Variants in MACROH2A1 observed in about 807,000 individuals in gnomAD.
The protein encoded by MACROH2A1 is macroH2A.1 histone, also known as core histone macro-H2A.1.
MACROH2A1 carries 2 observed loss-of-function variants against 31.6 expected under a neutral mutation model. That is an observed-to-expected ratio of 0.06 (90% CI 0.03 to 0.20). The LOEUF is 0.20. MACROH2A1 is among the 10% of genes least tolerant of loss of function. The pLI, the probability that MACROH2A1 is intolerant of heterozygous loss-of-function variation, is 1.00. For missense variants in MACROH2A1, 230 were observed against 474.0 expected, an observed-to-expected ratio of 0.49 and a Z score of 4.78; for synonymous variants, 169 against 189.6, an observed-to-expected ratio of 0.89 and a Z score of 0.89.
intron 5 of MACROH2A1, chr5:135,358,137 AT>A (rs1762402570): frequency 2.0e-6 from 2 of 984,952 alleles, no homozygotes; most frequent in Non-Finnish European, 2.4e-6. Flanking sequence ...TAGTTTCATG[AT>A]TTTTGCCTTT....
intron 8 of MACROH2A1, among the ~76,000 whole-genome samples, chr5:135,338,257 T>C (rs1581111299): frequency 1.3e-5 from 2 of 152,260 alleles, no homozygotes; most frequent in South Asian, 4.1e-4. Flanking sequence ...AGCAGAGTGG[T>C]TAAGAGCTCA....
chr5:135,375,600 G>A (rs999381463), intron 2 of MACROH2A1, among the ~76,000 whole-genome samples: 1 of 152,204 alleles, frequency 6.6e-6, no homozygotes, highest in African/African-American at 2.4e-5. Context: ...TGTTGAGGCT[G>A]AGCCAAACTC....
intron 2 of MACROH2A1, among the ~76,000 whole-genome samples, chr5:135,382,444 A>G (rs1169123424): frequency 6.6e-6 from 1 of 152,244 alleles, no homozygotes; most frequent in African/African-American, 2.4e-5. Context: ...AGACATCCAC[A>G]TGCAAAAAAG....
upstream of MACROH2A1, chr5:135,399,300 A>T (rs1357833590): frequency 6.6e-6 from 1 of 151,424 alleles, no homozygotes; most frequent in Non-Finnish European, 1.5e-5. This position sits in a 1 kb window ranked among gnomAD's most constrained non-coding sequence, Gnocchi z 4.5. Flanking sequence ...CGCGGCCCCG[A>T]GCGTCCGGCC....
chr5:135,373,629 A>G (rs563228387), intron 2 of MACROH2A1, among the ~76,000 whole-genome samples: 2 of 152,302 alleles, frequency 1.3e-5, no homozygotes, highest in Admixed American at 1.3e-4. Context: ...GGAGGGGCAG[A>G]AGGAGGAGCA....
At chr5:135,359,701 TCAAA>T in intron 5 of MACROH2A1, 1 of 980,288 alleles carries the variant, frequency 1.0e-6, no homozygotes, top group Non-Finnish European at 1.2e-6. Flanking sequence ...GTTACCACAC[TCAAA>T]CTAAACACAG....
intron 2 of MACROH2A1, among the ~76,000 whole-genome samples, chr5:135,380,756 G>A (rs943943024): frequency 3.3e-5 from 5 of 152,066 alleles, no homozygotes; most frequent in African/African-American, 1.2e-4. Flanking sequence ...TTGATTTCCT[G>A]TATTTTTGCA....
At chr5:135,363,779 T>A (rs1258648721) in intron 4 of MACROH2A1, among the ~76,000 whole-genome samples, 1 of 152,202 alleles carries the variant, frequency 6.6e-6, no homozygotes, top group African/African-American at 2.4e-5. Flanking sequence ...TTGAACTAGT[T>A]TACACTCTCA....
At chr5:135,342,808 T>C (rs1245985973) in intron 8 of MACROH2A1, among the ~76,000 whole-genome samples, 1 of 151,902 alleles carries the variant, frequency 6.6e-6, no homozygotes, top group African/African-American at 2.4e-5. Flanking sequence ...TACTTGTGAG[T>C]AGAAAGGAAA....
At chr5:135,343,684 T>C (rs1208496591) in intron 7 of MACROH2A1, 2 of 532,242 alleles carry the variant, frequency 3.8e-6, no homozygotes, top group African/African-American at 3.8e-5. Context: ...AGTAAGCCTC[T>C]CTCCACTCTC....
chr5:135,360,846 G>T, intron 4 of MACROH2A1: 1 of 665,182 alleles, frequency 1.5e-6, no homozygotes. Context: ...GCCACTTAAA[G>T]GTAAAACTTC....
chr5:135,357,762 C>A, intron 5 of MACROH2A1: 1 of 984,728 alleles, frequency 1.0e-6, no homozygotes, highest in Non-Finnish European at 1.2e-6. Context: ...AACAATTCAA[C>A]AATGTGTGTG....
At chr5:135,342,624 C>G (rs1760087489) in intron 8 of MACROH2A1, among the ~76,000 whole-genome samples, 1 of 152,156 alleles carries the variant, frequency 6.6e-6, no homozygotes, top group African/African-American at 2.4e-5. Flanking sequence ...GGTGAGTCTA[C>G]CTGGGGATTT....
chr5:135,374,696 G>GA (rs1372758568), intron 2 of MACROH2A1, among the ~76,000 whole-genome samples: 1 of 152,068 alleles, frequency 6.6e-6, no homozygotes, highest in African/African-American at 2.4e-5. Flanking sequence ...TGGTCTAAAA[G>GA]AAAAGCGATT....
intron 2 of MACROH2A1, 53 bp from the exon 3 acceptor site, chr5:135,370,195 G>C (rs137937852): frequency 1.8e-6 from 2 of 1,132,392 alleles, no homozygotes; most frequent in African/African-American, 3.1e-5. Context: ...ATGTGTCCCC[G>C]CCCCGGTCCC....
intron 8 of MACROH2A1, among the ~76,000 whole-genome samples, chr5:135,337,065 A>C (rs1011458501): frequency 6.6e-6 from 1 of 152,228 alleles, no homozygotes; most frequent in African/African-American, 2.4e-5. Flanking sequence ...TGCATTTTGC[A>C]TGTGAATCCC....
intron 2 of MACROH2A1, among the ~76,000 whole-genome samples, chr5:135,384,732 C>T (rs1453695661): frequency 6.6e-6 from 1 of 152,204 alleles, no homozygotes; most frequent in African/African-American, 2.4e-5. Context: ...CTTACAATGT[C>T]CAGGCATGGA....
At chr5:135,337,054 T>C (rs1758856393) in intron 8 of MACROH2A1, among the ~76,000 whole-genome samples, 1 of 152,164 alleles carries the variant, frequency 6.6e-6, no homozygotes, top group Admixed American at 6.5e-5. Context: ...CTGTGAGAAG[T>C]TGCATTTTGC....
intron 6 of MACROH2A1, among the ~76,000 whole-genome samples, chr5:135,351,778 G>A (rs1761608156): frequency 6.6e-6 from 1 of 151,400 alleles, no homozygotes. Context: ...GCCCAGGTTG[G>A]TCTCCAACTC....
Sources: gnomAD v4.1 joint callset for allele counts (sites outside exome capture counted in the v4.1 genomes callset) on GRCh38, gnomAD v4.1.1 for gene constraint, Gnocchi (gnomAD v3.1) non-coding constraint, MANE v1.5 for transcripts, NCBI Gene and HGNC (gene_info 2026-07-23, HGNC 2026-07-21) for gene names.